Variants in POU3F3 observed in about 807,000 individuals in gnomAD.
The protein encoded by POU3F3 is POU class 3 homeobox 3.
In POU3F3, 1 loss-of-function variant was observed where a neutral mutation model predicts 8.6. The observed-to-expected ratio is 0.12, with a 90% CI of 0.04 to 0.55. POU3F3 has a LOEUF of 0.55. Among genes scored for constraint, POU3F3 ranks in the 20% least tolerant of loss-of-function variants. POU3F3 has a pLI of 0.91. For synonymous variants in POU3F3, 418 were observed against 327.4 expected, an observed-to-expected ratio of 1.28 and a Z score of -2.99; for missense variants, 577 against 690.7, an observed-to-expected ratio of 0.84 and a Z score of 1.84.
chr2:104,882,488 G>A, the POU3F3 span, among the ~76,000 whole-genome samples: 1 of 152,038 alleles, frequency 6.6e-6, no homozygotes, highest in African/African-American at 2.4e-5. Context: ...CTGAGCTCAG[G>A]TGATCCACCC....
At chr2:104,923,402 G>A in the POU3F3 span, among the ~76,000 whole-genome samples, 1 of 152,188 alleles carries the variant, frequency 6.6e-6, no homozygotes, top group African/African-American at 2.4e-5. Context: ...GGGTAGGGAA[G>A]GGACTGTATA....
At chr2:104,892,740 G>A in the POU3F3 span, among the ~76,000 whole-genome samples, 20 of 151,498 alleles carry the variant, frequency 1.3e-4, no homozygotes, top group Admixed American at 1.1e-3. Flanking sequence ...GAGAGAAAGA[G>A]AGAGGGAGTC....
the POU3F3 span, among the ~76,000 whole-genome samples, chr2:104,907,083 C>A: frequency 3.3e-5 from 5 of 152,164 alleles, no homozygotes; most frequent in African/African-American, 1.2e-4. Flanking sequence ...CCTGTGGGAT[C>A]CTGCCCCAGC....
rs1463636184 is a variant in POU3F3, at chr2:104,855,558, C to T, written c.48C>T (p.Leu16=). Residue 16 remains leucine (L), a synonymous_variant, in exon 1 of 1, where the codon CTC becomes CTT. Coordinates refer to ENST00000361360, the MANE Select transcript of POU3F3 (RefSeq NM_006236.3). ...SNPYLPGNSL[L]AAGSIVHSDA... ...CCTACCTGCCGGGGAACAGCCTGCT[C>T]GCGGCCGGCTCTATTGTGCACTCGG... 2.9e-6 allele frequency: 3 copies of T among 1,035,158 alleles called. No individual in the cohort carries two copies. The highest frequency in any genetic ancestry group is 5.7e-5 in the South Asian group (2 of 34,896). 64.1% of individuals were successfully genotyped at this position (1,035,158 alleles called of 1,614,324 possible).
chr2:104,864,823 C>A, the POU3F3 span, among the ~76,000 whole-genome samples: 2 of 152,098 alleles, frequency 1.3e-5, no homozygotes, highest in African/African-American at 4.8e-5. Context: ...GATGGAGAGG[C>A]TTTTGTTTTC....
downstream of POU3F3, among the ~76,000 whole-genome samples, chr2:104,859,367 A>G (rs931447922): frequency 6.6e-6 from 1 of 152,216 alleles, no homozygotes; most frequent in Non-Finnish European, 1.5e-5. Context: ...AATATTTACA[A>G]TGTGGGAAAA....
chr2:104,886,713 G>C, the POU3F3 span, among the ~76,000 whole-genome samples: 1 of 152,110 alleles, frequency 6.6e-6, no homozygotes, highest in African/African-American at 2.4e-5. Context: ...TTCGAGACCA[G>C]CCTGGCCAAC....
the POU3F3 span, among the ~76,000 whole-genome samples, chr2:104,884,112 G>A: frequency 6.6e-6 from 1 of 152,170 alleles, no homozygotes; most frequent in Non-Finnish European, 1.5e-5. Flanking sequence ...AATCTGGCAT[G>A]ATCTGTAGAG....
the POU3F3 span, chr2:104,872,433 A>G: frequency 7.0e-6 from 3 of 427,980 alleles, no homozygotes; most frequent in African/African-American, 6.1e-5. This position sits in a 1 kb window ranked among gnomAD's most constrained non-coding sequence, Gnocchi z 4.6. Flanking sequence ...CCTGCTTCCA[A>G]CTGCGATTTC....
rs1240731000 is a variant in POU3F3, at chr2:104,854,197, A to G, written c.-1314A>G. ...GAGAGCGGGCGCCCGAGAGAGGGAG[A>G]GAGAGAGAGGGAGGGAGAGGAAAAG... On this transcript the variant is annotated 5_prime_UTR_variant, in exon 1 of 1. Coordinates refer to ENST00000361360, the MANE Select transcript of POU3F3 (RefSeq NM_006236.3). The surrounding 1 kb of genome is among the most constrained non-coding windows in gnomAD (Gnocchi z 4.5). 6.6e-5 allele frequency among the ~76,000 whole-genome samples: 10 copies of G among 151,950 alleles called. No individual in the cohort carries two copies. The highest frequency in any genetic ancestry group is 1.2e-4 in the Non-Finnish European group (8 of 67,946).
chr2:104,854,551 A>T lies in POU3F3; in HGVS notation c.-960A>T, dbSNP rs1316806901. The stretch of plus-strand genomic sequence containing the variant: ...TTTTTCCTTGTTATATTTGTTTCCT[A>T]ATTTCTGCCCAAAAGGAAAGATGTC... On this transcript the variant is annotated 5_prime_UTR_variant, in exon 1 of 1. Coordinates refer to ENST00000361360, the MANE Select transcript of POU3F3 (RefSeq NM_006236.3). The surrounding 1 kb of genome is among the most constrained non-coding windows in gnomAD (Gnocchi z 4.5). 6.6e-6 allele frequency among the ~76,000 whole-genome samples: 1 copy of T among 152,184 alleles called. No homozygotes were observed. Among genetic ancestry groups the T allele is most frequent in the Non-Finnish European group, 1.5e-5 (1 of 68,034 alleles).
the POU3F3 span, among the ~76,000 whole-genome samples, chr2:104,872,751 G>T: frequency 1.3e-5 from 2 of 152,204 alleles, no homozygotes; most frequent in Non-Finnish European, 2.9e-5. The surrounding 1 kb of genome is among the most constrained non-coding windows in gnomAD (Gnocchi z 4.6). Context: ...AGGCACAAAA[G>T]AAGGTCTCCG....
the POU3F3 span, among the ~76,000 whole-genome samples, chr2:104,901,788 A>C: frequency 6.6e-6 from 1 of 152,240 alleles, no homozygotes; most frequent in East Asian, 1.9e-4. Context: ...CCTTGGGAAA[A>C]CAGCACGGAA....
chr2:104,895,062 AGTGTGT>A, the POU3F3 span, among the ~76,000 whole-genome samples: 8,088 of 149,278 alleles, frequency 0.054, 248 homozygotes, highest in African/African-American at 0.085. Flanking sequence ...TGCACAGGTG[AGTGTGT>A]GTGTGTGTGT....
chr2:104,890,103 G>A, the POU3F3 span, among the ~76,000 whole-genome samples: 1 of 152,092 alleles, frequency 6.6e-6, no homozygotes, highest in African/African-American at 2.4e-5. Flanking sequence ...GGTCCCAAGC[G>A]AGATAGCCAA....
At position 104,855,597 on chromosome 2, in the gene POU3F3, TGGC is replaced by T. The variant is rs1676539863; in HGVS notation, c.96_98del (p.Gly43del). On this transcript the variant is annotated inframe_deletion, in exon 1 of 1. Coordinates refer to ENST00000361360, the MANE Select transcript of POU3F3 (RefSeq NM_006236.3). Reference sequence around the variant, plus strand: ...TTGTGCACTCGGACGCGGCAGGGGCTGGCGGCGGCGGGGGTGGCGGCGGCGGCG... The same window carrying T: ...TTGTGCACTCGGACGCGGCAGGGGCTGGCGGCGGGGGTGGCGGCGGCGGCG... 1.0e-6 allele frequency: 1 copy of T among 963,474 alleles called. No individual in the cohort carries two copies. 59.7% of individuals were successfully genotyped at this position (963,474 alleles called of 1,614,324 possible). A position where few individuals can be genotyped will look rare whatever the true frequency, so the allele number is the denominator to read the frequency against.
chr2:104,860,462 C>A (rs1676640758), downstream of POU3F3, among the ~76,000 whole-genome samples: 1 of 152,128 alleles, frequency 6.6e-6, no homozygotes, highest in African/African-American at 2.4e-5. Context: ...TGAATTTGGT[C>A]ATTGTGTTCC....
At chr2:104,921,093 G>C in the POU3F3 span, among the ~76,000 whole-genome samples, 1,241 of 152,266 alleles carry the variant, frequency 8.2e-3, 17 homozygotes, top group African/African-American at 0.029. Context: ...TACTCTATGA[G>C]ATAGGGGCTC....
At chr2:104,904,359 C>T in the POU3F3 span, among the ~76,000 whole-genome samples, 2 of 152,044 alleles carry the variant, frequency 1.3e-5, no homozygotes, top group African/African-American at 2.4e-5. Context: ...AACAGGGCCA[C>T]TGTAAAGTGT....
Sources: allele counts gnomAD v4.1 joint callset (sites outside exome capture counted in the v4.1 genomes callset), GRCh38; gene constraint gnomAD v4.1.1; non-coding constraint Gnocchi (gnomAD v3.1); transcripts MANE v1.5; gene names NCBI Gene and HGNC (gene_info 2026-07-23, HGNC 2026-07-21).